The following EXOC1L variants were observed in gnomAD, a reference collection of about 807,000 sequenced individuals.
The protein encoded by EXOC1L is exocyst complex component 1 like, also known as exocyst complex component 1-like.
A neutral mutation model predicts 4.9 loss-of-function variants in EXOC1L; 10 were observed. The ratio of observed to expected loss-of-function variants is 2.02; its 90% confidence interval spans 1.25 to 3.43. EXOC1L has a LOEUF of 3.43. Ranked by LOEUF, EXOC1L falls within the 30% of genes most tolerant of loss-of-function variation. The pLI is 0.00. For missense variants in EXOC1L, 114 were observed against 59.4 expected (o/e 1.92, Z -3.02); for synonymous variants, 41 against 20.8 (o/e 1.97, Z -2.63).
chr4:55,834,786 AT>A (rs1382455664), intron 2 of EXOC1L, among the ~76,000 whole-genome samples: 1 of 151,878 alleles, frequency 6.6e-6, no homozygotes, highest in Non-Finnish European at 1.5e-5. Context: ...ACCTTTATAC[AT>A]TTTTTAAGTA....
chr4:55,833,633 C>G (rs1310986812), intron 2 of EXOC1L, among the ~76,000 whole-genome samples: 1 of 151,792 alleles, frequency 6.6e-6, no homozygotes, highest in Non-Finnish European at 1.5e-5. Context: ...TCTTTTTTCT[C>G]CAGCTCTCAA....
chr4:55,826,448 A>G (rs1435667077), intron 1 of EXOC1L, among the ~76,000 whole-genome samples: 1 of 152,236 alleles, frequency 6.6e-6, no homozygotes, highest in Non-Finnish European at 1.5e-5. Flanking sequence ...GCATTTATTA[A>G]TGACAAAGTT....
intron 1 of EXOC1L, among the ~76,000 whole-genome samples, chr4:55,826,361 T>C (rs1432012262): frequency 6.6e-6 from 1 of 152,192 alleles, no homozygotes; most frequent in Non-Finnish European, 1.5e-5. Context: ...TCTGCCAAAT[T>C]ATATTGGATC....
chr4:55,822,371 G>A (rs1265871178), intron 1 of EXOC1L, among the ~76,000 whole-genome samples: 1 of 152,106 alleles, frequency 6.6e-6, no homozygotes, highest in Non-Finnish European at 1.5e-5. Context: ...TGGGACCGCA[G>A]CCCACTCCCA....
chr4:55,822,053 C>A (rs989401808), intron 1 of EXOC1L, among the ~76,000 whole-genome samples: 12 of 152,208 alleles, frequency 7.9e-5, no homozygotes, highest in African/African-American at 2.7e-4. Context: ...ACGATGGCCA[C>A]CTTCAGGGAG....
At chr4:55,827,496 A>G (rs1450995097) in intron 1 of EXOC1L, among the ~76,000 whole-genome samples, 1 of 152,212 alleles carries the variant, frequency 6.6e-6, no homozygotes, top group Non-Finnish European at 1.5e-5. Flanking sequence ...CAGTGACAGC[A>G]GGAATGATGC....
At chr4:55,834,547 T>G (rs568770335) in intron 2 of EXOC1L, among the ~76,000 whole-genome samples, 1 of 152,106 alleles carries the variant, frequency 6.6e-6, no homozygotes, top group East Asian at 1.9e-4. Context: ...AATATTGCTC[T>G]GTTGCAATTA....
At chr4:55,826,118 A>C (rs1719877831) in intron 1 of EXOC1L, among the ~76,000 whole-genome samples, 1 of 151,968 alleles carries the variant, frequency 6.6e-6, no homozygotes, top group African/African-American at 2.4e-5. Flanking sequence ...AAAAGAAAAA[A>C]AGAAAATTAC....
At chr4:55,828,639 A>G (rs1053543841) in intron 1 of EXOC1L, among the ~76,000 whole-genome samples, 5 of 152,034 alleles carry the variant, frequency 3.3e-5, no homozygotes, top group African/African-American at 4.8e-5. Context: ...TGAGACCACT[A>G]TCACTATCAC....
At chr4:55,831,927 A>G (rs757516448) in intron 2 of EXOC1L, among the ~76,000 whole-genome samples, 5 of 151,902 alleles carry the variant, frequency 3.3e-5, no homozygotes, top group Admixed American at 1.3e-4. Flanking sequence ...AAATACTACA[A>G]TCTCACCACT....
Position 55,820,119 on chromosome 4 carries a change from C to G in EXOC1L, c.93C>G (p.Val31=). The G allele has an allele frequency of 7.5e-6, 3 of 398,988 alleles. No individual in the cohort carries two copies. Among genetic ancestry groups the G allele is most frequent in the Non-Finnish European group, 4.4e-6 (1 of 226,058 alleles). 24.7% of individuals were successfully genotyped at this position (398,988 alleles called of 1,614,324 possible). A position where few individuals can be genotyped will look rare whatever the true frequency, so the allele number is the denominator to read the frequency against. ...LYEFIEIEFS[V]QDRYYLCVSV... is the part of the protein sequence containing the mutation. ...AGTTTATTGAAATAGAGTTCTCCGT[C>G]CAGGACAGGTATTACCTCTGTGTGT... The change falls in exon 1 of 3, where the codon GTC becomes GTG. Residue 31 remains valine, a synonymous_variant. Coordinates refer to ENST00000636125, the MANE Select transcript of EXOC1L (RefSeq NM_001351574.3).
rs964490592 is a variant in EXOC1L, at chr4:55,837,299, G to C, written c.467G>C (p.Cys156Ser). Reference protein sequence around the residue: ...NKDCLVLMRICFYAFNLVCLS... With the variant: ...NKDCLVLMRISFYAFNLVCLS... ...GATTGTTTGGTCCTTATGAGAATAT[G>C]CTTTTACGCTTTCAATCTTGTGTGC... Residue 156 changes from cysteine (C) to serine (S), a missense_variant, in exon 3 of 3, where the codon TGC becomes TCC. Coordinates refer to ENST00000636125, the MANE Select transcript of EXOC1L (RefSeq NM_001351574.3). The C allele has an allele frequency of 2.4e-5, 16 of 673,220 alleles. 1 individual carries two copies. The South Asian group carries it at 2.5e-4, about 11-fold the overall frequency. The allele number at this position is 673,220 out of a possible 1,614,324, so 41.7% of individuals were successfully genotyped here. A position where few individuals can be genotyped will look rare whatever the true frequency, so the allele number is the denominator to read the frequency against.
At chr4:55,836,370 T>G (rs1259263665) in intron 2 of EXOC1L, among the ~76,000 whole-genome samples, 1 of 151,954 alleles carries the variant, frequency 6.6e-6, no homozygotes, top group Non-Finnish European at 1.5e-5. Flanking sequence ...AGGCAGATAA[T>G]GAATGTGAAA....
intron 1 of EXOC1L, among the ~76,000 whole-genome samples, 155 bp downstream of exon 1, chr4:55,820,302 T>C (rs1719706461): frequency 6.6e-6 from 1 of 152,106 alleles, no homozygotes; most frequent in Non-Finnish European, 1.5e-5. Context: ...AGAATTTGGG[T>C]TCTACAGAAT....
intron 2 of EXOC1L, 107 bp from the exon 3 acceptor site, chr4:55,836,978 C>T: frequency 2.0e-6 from 1 of 507,778 alleles, no homozygotes; most frequent in East Asian, 3.0e-5. Flanking sequence ...ATGTTTGATA[C>T]TGATACTTTA....
chr4:55,819,951 C>A lies in EXOC1L; in HGVS notation c.-76C>A, dbSNP rs1719697984. 3 of 396,514 alleles carry A rather than the reference C, an allele frequency of 7.6e-6. No individual in the cohort carries two copies. Among genetic ancestry groups the A allele is most frequent in the Non-Finnish European group, 1.3e-5 (3 of 224,854 alleles). 24.6% of individuals were successfully genotyped at this position (396,514 alleles called of 1,614,324 possible). ...CTCACCAAGGAGCTGCAAACCCAAA[C>A]GAGAAATCTAGGGAGCAAAAGGAGA... On this transcript the variant is annotated 5_prime_UTR_variant, in exon 1 of 3. Coordinates refer to ENST00000636125, the MANE Select transcript of EXOC1L (RefSeq NM_001351574.3).
chr4:55,823,598 T>C (rs989868556), intron 1 of EXOC1L, among the ~76,000 whole-genome samples: 4 of 152,246 alleles, frequency 2.6e-5, no homozygotes, highest in Non-Finnish European at 4.4e-5. Context: ...GGCCAAAATA[T>C]ATCCAAACAG....
chr4:55,837,288 T>C lies in EXOC1L; in HGVS notation c.456T>C (p.Leu152=), dbSNP rs916434754. The change falls in exon 3 of 3, where the codon CTT becomes CTC. Residue 152 remains leucine (L), a synonymous_variant. Transcript: ENST00000636125. ...CCAACAATAAGGATTGTTTGGTCCT[T>C]ATGAGAATATGCTTTTACGCTTTCA... ...WSSNNKDCLV[L]MRICFYAFNL... 1 of 692,002 alleles carries C rather than the reference T, an allele frequency of 1.4e-6. No individual in the cohort carries two copies. Among genetic ancestry groups the C allele is most frequent in the African/African-American group, 1.8e-5 (1 of 56,986 alleles). The allele number at this position is 692,002 out of a possible 1,614,324, so 42.9% of individuals were successfully genotyped here.
At chr4:55,820,266 A>G in intron 1 of EXOC1L, 119 bp downstream of exon 1, 1 of 389,914 alleles carries the variant, frequency 2.6e-6, no homozygotes, top group Non-Finnish European at 4.5e-6. Flanking sequence ...CCTTCTTCTG[A>G]TAAGAACTTA....
Sources: gnomAD v4.1 joint callset for allele counts (sites outside exome capture counted in the v4.1 genomes callset) on GRCh38, gnomAD v4.1.1 for gene constraint, MANE v1.5 for transcripts, NCBI Gene and HGNC (gene_info 2026-07-23, HGNC 2026-07-21) for gene names.